NSUN6: variants seen among roughly 807,000 people sequenced by gnomAD.
NSUN6 encodes tRNA (cytosine(72)-C(5))-methyltransferase NSUN6.
Under a neutral mutation model 58.0 loss-of-function variants are expected in NSUN6, and 64 were observed. The ratio of observed to expected loss-of-function variants is 1.10; its 90% CI spans 0.90 to 1.36. The LOEUF is 1.36. Ranked by LOEUF, NSUN6 falls within the 40% of genes most tolerant of loss-of-function variation. The pLI, the probability that NSUN6 is intolerant of heterozygous loss-of-function variation, is 0.00. For synonymous variants in NSUN6, 231 were observed against 193.9 expected, an observed-to-expected ratio of 1.19 and a Z score of -1.59; for missense variants, 701 against 550.1, an observed-to-expected ratio of 1.27 and a Z score of -2.74.
intron 3 of NSUN6, among the ~76,000 whole-genome samples, chr10:18,625,061 G>A (rs531279753): frequency 5.9e-5 from 9 of 152,280 alleles, no homozygotes; most frequent in Non-Finnish European, 1.3e-4. Flanking sequence ...GTCACAATTA[G>A]GTGCTGGAGG....
intron 8 of NSUN6, among the ~76,000 whole-genome samples, chr10:18,581,319 A>C (rs868123590): frequency 8.5e-5 from 13 of 152,278 alleles, no homozygotes; most frequent in African/African-American, 2.9e-4. Flanking sequence ...TTGCTGATAA[A>C]AACAGTTTGC....
chr10:18,638,610 T>C, intron 3 of NSUN6, among the ~76,000 whole-genome samples: 1 of 152,184 alleles, frequency 6.6e-6, no homozygotes. Context: ...CTTAGATTTC[T>C]TCACAATAAC....
At chr10:18,572,811 C>CTTCCATCCTCCATTCCA (rs2056445540) in intron 8 of NSUN6, among the ~76,000 whole-genome samples, 1 of 147,012 alleles carries the variant, frequency 6.8e-6, no homozygotes, top group Non-Finnish European at 1.5e-5. Context: ...ACTCCATTCC[C>CTTCCATCCTCCATTCCA]TTCCATCCTC....
intron 3 of NSUN6, among the ~76,000 whole-genome samples, chr10:18,622,184 A>G (rs899433077): frequency 4.6e-5 from 7 of 152,160 alleles, no homozygotes; most frequent in African/African-American, 1.7e-4. Flanking sequence ...CTTCAGGGGT[A>G]ATTAGTTATG....
In NSUN6 at chr10:18,626,256, C is replaced by A. The variant is rs7902446; in HGVS notation, c.312-9963G>T. On this transcript the variant is annotated intron_variant, in intron 3 of 10. Transcript: ENST00000377304. ...GTTTAAAAAAAAAAAAACAGAAAAACTGGCCAGGCATGGTGGCTCCTGCTT... is the reference window on the plus strand; with the variant it reads ...GTTTAAAAAAAAAAAAACAGAAAAAATGGCCAGGCATGGTGGCTCCTGCTT... 2.9e-3 allele frequency among the ~76,000 whole-genome samples: 432 copies of A among 151,160 alleles called. 2 individuals are homozygous for A. The highest frequency in any genetic ancestry group is 9.8e-3 in the African/African-American group (403 of 41,268).
intron 3 of NSUN6, among the ~76,000 whole-genome samples, chr10:18,626,040 C>T (rs992990349): frequency 7.2e-5 from 11 of 152,034 alleles, no homozygotes; most frequent in Admixed American, 2.0e-4. Context: ...AAGAAAGTAA[C>T]GCAGTACGTA....
chr10:18,555,749 T>G (rs546403619), intron 8 of NSUN6, among the ~76,000 whole-genome samples: 271 of 140,794 alleles, frequency 1.9e-3, no homozygotes, highest in Non-Finnish European at 3.2e-3. Flanking sequence ...GAGAATGGAA[T>G]AGAATGGAGA....
intron 7 of NSUN6, among the ~76,000 whole-genome samples, chr10:18,592,417 A>G (rs2057412001): frequency 6.6e-6 from 1 of 152,238 alleles, no homozygotes; most frequent in Non-Finnish European, 1.5e-5. Context: ...AGCCAAGCCA[A>G]TCTTAAGCAA....
intron 3 of NSUN6, among the ~76,000 whole-genome samples, chr10:18,616,706 G>C (rs2058422766): frequency 6.6e-6 from 1 of 152,160 alleles, no homozygotes; most frequent in Non-Finnish European, 1.5e-5. Flanking sequence ...AAACAAGACA[G>C]GAAAAGAAGA....
chr10:18,557,120 A>G (rs2133470754), intron 8 of NSUN6, among the ~76,000 whole-genome samples: 1 of 151,682 alleles, frequency 6.6e-6, no homozygotes, highest in South Asian at 2.1e-4. Flanking sequence ...AATGGAATGG[A>G]AAGTAGAGAA....
In NSUN6 at chr10:18,612,413, T is replaced by C. The variant is rs143372800; in HGVS notation, c.575+2047A>G. Among the ~76,000 whole-genome samples the C allele has an allele frequency of 8.0e-3, 1,218 of 152,248 alleles. 14 individuals carry two copies. Among genetic ancestry groups the C allele is most frequent in the African/African-American group, 0.025 (1,041 of 41,532 alleles). On this transcript the variant is annotated intron_variant, in intron 5 of 10. Transcript: ENST00000377304. Reference sequence around the variant, plus strand: ...GCCTTAATGACAGAGCGAGACCCTATTTCTAAAAGAAAAAAGCAAAGTCAG... The same window carrying C: ...GCCTTAATGACAGAGCGAGACCCTACTTCTAAAAGAAAAAAGCAAAGTCAG...
intron 8 of NSUN6, among the ~76,000 whole-genome samples, chr10:18,572,075 ATTCCATTCCC>A (rs1204931333): frequency 6.7e-6 from 1 of 150,090 alleles, no homozygotes; most frequent in African/African-American, 2.5e-5. Flanking sequence ...TCCATTCTCC[ATTCCATTCCC>A]TTCTATTCTC....
chr10:18,565,744 C>G (rs2055877212), intron 8 of NSUN6, among the ~76,000 whole-genome samples: 1 of 150,646 alleles, frequency 6.6e-6, no homozygotes. Context: ...AATCTCCATT[C>G]CACGCTCCAT....
At chr10:18,634,726 C>CTGG (rs2059154584) in intron 3 of NSUN6, among the ~76,000 whole-genome samples, 1 of 151,812 alleles carries the variant, frequency 6.6e-6, no homozygotes, top group South Asian at 2.1e-4. Context: ...CACTGCACTC[C>CTGG]AGCCTGGGTG....
At chr10:18,606,596 T>C (rs1010064869) in intron 6 of NSUN6, among the ~76,000 whole-genome samples, 1 of 152,186 alleles carries the variant, frequency 6.6e-6, no homozygotes, top group Non-Finnish European at 1.5e-5. Context: ...TTCTAAGCTG[T>C]ATCAAATGTA....
chr10:18,574,362 A>T (rs1443559918), intron 8 of NSUN6, among the ~76,000 whole-genome samples: 1 of 152,136 alleles, frequency 6.6e-6, no homozygotes, highest in African/African-American at 2.4e-5. Flanking sequence ...ATGTTAGAAA[A>T]GAATGATTTA....
At chr10:18,596,004 TA>T (rs1383086308) in intron 7 of NSUN6, among the ~76,000 whole-genome samples, 1 of 152,232 alleles carries the variant, frequency 6.6e-6, no homozygotes, top group Non-Finnish European at 1.5e-5. Context: ...AAGCAAATTG[TA>T]AAATTCAAGA....
At chr10:18,562,624 C>T (rs1227577331) in intron 8 of NSUN6, among the ~76,000 whole-genome samples, 1 of 132,612 alleles carries the variant, frequency 7.5e-6, no homozygotes, top group Non-Finnish European at 1.6e-5. Flanking sequence ...GAATGAAATA[C>T]AGAATGGAAG....
rs563524378 is a variant in NSUN6, at chr10:18,580,312, C to T, written c.922+5637G>A. On this transcript the variant is annotated intron_variant, in intron 8 of 10. Coordinates refer to ENST00000377304, the MANE Select transcript of NSUN6 (RefSeq NM_182543.5). The stretch of plus-strand genomic sequence containing the variant: ...TTCTCCCTTTTCCAACTACTTTCCA[C>T]TTCTCCGAAGCTCAGAATAAGATCC... 2.1e-4 allele frequency among the ~76,000 whole-genome samples: 32 copies of T among 152,302 alleles called. 1 individual carries two copies. The South Asian group carries it at 6.6e-3, about 32-fold the overall frequency.
Sources: allele counts gnomAD v4.1 joint callset (sites outside exome capture counted in the v4.1 genomes callset), GRCh38; gene constraint gnomAD v4.1.1; transcripts MANE v1.5; gene names NCBI Gene and HGNC (gene_info 2026-07-23, HGNC 2026-07-21).